FANCC: variants seen among roughly 807,000 people sequenced by gnomAD.
FANCC encodes Fanconi anemia group C protein.
Under a neutral mutation model 71.3 loss-of-function variants are expected in FANCC, and 55 were observed. That is an observed-to-expected ratio of 0.77 (90% CI 0.62 to 0.97). The LOEUF (loss-of-function observed/expected upper bound fraction) is 0.97, where lower values mean the gene tolerates loss of function less well. Ranked by LOEUF, FANCC falls within the 50% of genes least tolerant of loss-of-function variation. The probability of loss-of-function intolerance (pLI) is 0.00; values close to 1 mark genes in which losing one functional copy is unlikely to be tolerated. For missense variants in FANCC, 678 were observed against 670.9 expected (o/e 1.01, Z -0.12); for synonymous variants, 275 against 244.9 (o/e 1.12, Z -1.15).
chr9:95,126,495 C>T, intron 9 of FANCC, 34 bp downstream of exon 9: 1 of 1,597,690 alleles, frequency 6.3e-7, no homozygotes, highest in Non-Finnish European at 8.6e-7. Flanking sequence ...ACCTTTTTTA[C>T]ATCAATTACT....
intron 4 of FANCC, among the ~76,000 whole-genome samples, chr9:95,224,659 A>G (rs769947648): frequency 4.6e-5 from 7 of 152,118 alleles, no homozygotes; most frequent in Non-Finnish European, 1.0e-4. Context: ...TTCTGTTTCT[A>G]TAAACTTGAC....
chr9:95,274,279 G>A (rs1395128749), intron 1 of FANCC, among the ~76,000 whole-genome samples: 6 of 152,050 alleles, frequency 3.9e-5, no homozygotes. Context: ...GTGGTGTTTG[G>A]TTTTCTGTTC....
intron 6 of FANCC, among the ~76,000 whole-genome samples, chr9:95,169,703 T>C (rs147095381): frequency 6.1e-4 from 93 of 152,348 alleles, no homozygotes; most frequent in Non-Finnish European, 9.0e-4. Flanking sequence ...TTGCCTGCAG[T>C]ACTGTGACTT....
intron 14 of FANCC, among the ~76,000 whole-genome samples, chr9:95,102,059 C>T (rs1428863498): frequency 6.6e-6 from 1 of 152,174 alleles, no homozygotes; most frequent in Non-Finnish European, 1.5e-5. Flanking sequence ...GTGAGCGGTG[C>T]CATTTCCTAA....
At chr9:95,272,171 C>G (rs2136222549) in intron 1 of FANCC, among the ~76,000 whole-genome samples, 1 of 151,778 alleles carries the variant, frequency 6.6e-6, no homozygotes, top group East Asian at 2.0e-4. Context: ...ATCTCCTGAC[C>G]TCGTGATTCG....
At chr9:95,243,092 T>C (rs1162870015) in intron 3 of FANCC, among the ~76,000 whole-genome samples, 2 of 152,240 alleles carry the variant, frequency 1.3e-5, no homozygotes, top group Non-Finnish European at 2.9e-5. Flanking sequence ...TTCTTTAAAC[T>C]TTAATTCTAT....
At chr9:95,296,328 A>C (rs1834370919) in intron 1 of FANCC, among the ~76,000 whole-genome samples, 3 of 152,218 alleles carry the variant, frequency 2.0e-5, no homozygotes, top group South Asian at 4.1e-4. Flanking sequence ...AAAAGTAGTA[A>C]AGAGACAGAT....
intron 3 of FANCC, among the ~76,000 whole-genome samples, chr9:95,245,805 G>A (rs894517016): frequency 6.6e-6 from 1 of 151,474 alleles, no homozygotes; most frequent in African/African-American, 2.4e-5. Flanking sequence ...GCTGAGGCAG[G>A]AGAATCACTT....
At chr9:95,247,204 C>A (rs563157114) in intron 3 of FANCC, among the ~76,000 whole-genome samples, 1 of 137,060 alleles carries the variant, frequency 7.3e-6, no homozygotes, top group African/African-American at 2.8e-5. Context: ...TGCATGGGTG[C>A]GTGCACGCGT....
At chr9:95,292,664 C>T (rs2136321272) in intron 1 of FANCC, 1 of 1,374,098 alleles carries the variant, frequency 7.3e-7, no homozygotes, top group African/African-American at 1.4e-5. Context: ...AGAGCCACCG[C>T]ATGCAGTATA....
chr9:95,145,829 T>C (rs1295059873), intron 7 of FANCC, among the ~76,000 whole-genome samples: 4 of 152,142 alleles, frequency 2.6e-5, no homozygotes, highest in Non-Finnish European at 4.4e-5. Context: ...AGGGCGGACA[T>C]GCTTTACCAC....
intron 4 of FANCC, among the ~76,000 whole-genome samples, chr9:95,216,728 C>T (rs555890389): frequency 1.3e-5 from 2 of 152,276 alleles, no homozygotes; most frequent in Non-Finnish European, 2.9e-5. Context: ...CCCACATGTG[C>T]ACAGTATTTA....
chr9:95,111,557 A>G lies in FANCC; in HGVS notation c.1235T>C (p.Leu412Pro). 5 of 1,614,186 alleles carry G rather than the reference A, an allele frequency of 3.1e-6. No individual in the cohort carries two copies. The highest frequency in any genetic ancestry group is 4.2e-6 in the Non-Finnish European group (5 of 1,180,034). ...CGTGGGGGGTTCGGCTGCCGACATC[A>G]GTAATTGCTCTGCCACCATCTCAGC... ...GWAEMVAEQLLMSAAEPPTAL... is the reference protein window; with the variant it reads ...GWAEMVAEQLPMSAAEPPTAL... The change falls in exon 13 of 15, where the codon CTG becomes CCG. Residue 412 changes from leucine (L) to proline (P), a missense_variant. By Grantham distance (98) the Leu-to-Pro change is moderately conservative. Coordinates refer to ENST00000289081, the MANE Select transcript of FANCC (RefSeq NM_000136.3).
At chr9:95,138,837 T>G (rs1025296945) in intron 7 of FANCC, among the ~76,000 whole-genome samples, 3 of 152,150 alleles carry the variant, frequency 2.0e-5, no homozygotes, top group African/African-American at 7.2e-5. Flanking sequence ...CGAGTCACAC[T>G]CCAGTCAGTA....
At chr9:95,161,246 G>C (rs1277000851) in intron 6 of FANCC, among the ~76,000 whole-genome samples, 3 of 152,188 alleles carry the variant, frequency 2.0e-5, no homozygotes, top group Non-Finnish European at 4.4e-5. Flanking sequence ...AGAGATAACA[G>C]AAATGTCCTG....
At chr9:95,189,453 A>C (rs1253310802) in intron 4 of FANCC, among the ~76,000 whole-genome samples, 1 of 152,024 alleles carries the variant, frequency 6.6e-6, no homozygotes, top group African/African-American at 2.4e-5. Flanking sequence ...ATTTCCACAC[A>C]CAGGTCCAAC....
chr9:95,260,013 T>C (rs890594071), intron 1 of FANCC, among the ~76,000 whole-genome samples: 5 of 152,246 alleles, frequency 3.3e-5, no homozygotes, highest in Middle Eastern at 3.4e-3. Context: ...CCAGTTAGAA[T>C]TGGCGATCAT....
chr9:95,186,793 T>TA (rs1382120607), intron 4 of FANCC, among the ~76,000 whole-genome samples: 9 of 150,334 alleles, frequency 6.0e-5, no homozygotes, highest in African/African-American at 2.2e-4. Flanking sequence ...CTGTTGGATT[T>TA]TTTTTTTTTT....
At chr9:95,165,494 T>A in intron 6 of FANCC, among the ~76,000 whole-genome samples, 1 of 152,090 alleles carries the variant, frequency 6.6e-6, no homozygotes, top group East Asian at 1.9e-4. Context: ...GGGTTTTCAT[T>A]TTCATTTGTC....
Sources: gnomAD v4.1 joint callset for allele counts (sites outside exome capture counted in the v4.1 genomes callset) on GRCh38, gnomAD v4.1.1 for gene constraint, MANE v1.5 for transcripts, NCBI Gene and HGNC (gene_info 2026-07-23, HGNC 2026-07-21) for gene names.